Variants in RANBP2 observed in about 807,000 individuals in gnomAD.
RANBP2 encodes the protein RAN binding protein 2.
A neutral mutation model predicts 303.6 loss-of-function variants in RANBP2; 57 were observed. That is an observed-to-expected ratio of 0.19 (90% confidence interval 0.15 to 0.23). The LOEUF is 0.23. Ranked by LOEUF, RANBP2 falls within the 10% of genes least tolerant of loss-of-function variation. The probability of loss-of-function intolerance (pLI) is 1.00; values close to 1 mark genes in which losing one functional copy is unlikely to be tolerated. For synonymous variants in RANBP2, 1,167 were observed against 1,301.5 expected (o/e 0.90, Z 2.23); for missense variants, 3,138 against 3,780.8 (o/e 0.83, Z 4.46).
chr2:109,163,493 G>A, the RANBP2 span, among the ~76,000 whole-genome samples: 1 of 128,944 alleles, frequency 7.8e-6, no homozygotes, highest in Non-Finnish European at 1.6e-5. Flanking sequence ...CCGCCTCCCG[G>A]GTTCACGCCA....
chr2:109,544,223 TAAC>T, the RANBP2 span: 11 of 1,611,054 alleles, frequency 6.8e-6, no homozygotes, highest in Non-Finnish European at 7.6e-6. Flanking sequence ...ATAAAACAAA[TAAC>T]AGCAAAATCA....
At chr2:108,741,846 A>G (rs2149168929) in intron 7 of RANBP2, among the ~76,000 whole-genome samples, 2 of 143,338 alleles carry the variant, frequency 1.4e-5, no homozygotes, top group East Asian at 4.1e-4. Context: ...GAGCTTGCAT[A>G]ACTTTTGAAA....
chr2:109,602,943 T>C, the RANBP2 span, among the ~76,000 whole-genome samples: 3 of 148,146 alleles, frequency 2.0e-5, no homozygotes, highest in Non-Finnish European at 4.5e-5. Context: ...CAGTGGTGTG[T>C]ACCTGTGGAA....
At chr2:109,657,737 T>TTTTTG in the RANBP2 span, among the ~76,000 whole-genome samples, 1 of 144,904 alleles carries the variant, frequency 6.9e-6, no homozygotes, top group Non-Finnish European at 1.5e-5. Context: ...TTTTTTTTTT[T>TTTTTG]GAGATGGAGT....
At chr2:108,737,274 C>T (rs1466568515) in intron 6 of RANBP2, among the ~76,000 whole-genome samples, 6 of 150,258 alleles carry the variant, frequency 4.0e-5, no homozygotes, top group Admixed American at 4.0e-4. Context: ...GTTCCTTTTA[C>T]ATTTTTGTTA....
At chr2:109,094,656 C>T in the RANBP2 span, among the ~76,000 whole-genome samples, 3 of 152,126 alleles carry the variant, frequency 2.0e-5, no homozygotes, top group African/African-American at 7.2e-5. Context: ...ATGACGAAAC[C>T]CTGTCTCTAC....
At chr2:109,711,783 C>T in the RANBP2 span, among the ~76,000 whole-genome samples, 1 of 152,276 alleles carries the variant, frequency 6.6e-6, no homozygotes, top group Middle Eastern at 3.4e-3. Context: ...GAAGCAGCCC[C>T]CTTTGTCTCG....
At chr2:109,595,048 G>A in the RANBP2 span, 1 of 152,070 alleles carries the variant, frequency 6.6e-6, no homozygotes, top group Non-Finnish European at 1.5e-5. Flanking sequence ...CACCACGCCT[G>A]GCTTATGTTT....
At chr2:109,347,870 C>A in the RANBP2 span, 1 of 1,613,334 alleles carries the variant, frequency 6.2e-7, no homozygotes, top group Non-Finnish European at 8.5e-7. Context: ...TTGCCACACG[C>A]CCCGCCCCAG....
At chr2:108,719,950 C>T (rs1296432550) in intron 1 of RANBP2, 3 of 985,272 alleles carry the variant, frequency 3.0e-6, no homozygotes. Flanking sequence ...GCTCCTGGGG[C>T]CGCCCTGGCC....
chr2:109,581,903 T>C, the RANBP2 span, among the ~76,000 whole-genome samples: 1 of 152,280 alleles, frequency 6.6e-6, no homozygotes, highest in Admixed American at 6.5e-5. Flanking sequence ...GCAGACAATA[T>C]AATTTCATAC....
the RANBP2 span, among the ~76,000 whole-genome samples, chr2:109,192,187 C>A: frequency 6.6e-6 from 1 of 152,180 alleles, no homozygotes; most frequent in African/African-American, 2.4e-5. Context: ...ACTAACTCGT[C>A]CACTCCACAG....
the RANBP2 span, among the ~76,000 whole-genome samples, chr2:109,486,007 G>A: frequency 6.6e-6 from 1 of 152,244 alleles, no homozygotes; most frequent in Non-Finnish European, 1.5e-5. Context: ...GAATCAGTGT[G>A]TGCGCTCCAG....
the RANBP2 span, among the ~76,000 whole-genome samples, chr2:109,019,446 G>A: frequency 3.6e-3 from 549 of 152,256 alleles, 8 homozygotes; most frequent in African/African-American, 0.012. Context: ...TGAGTAAAGT[G>A]CCACTGAACA....
At chr2:108,913,875 A>G in the RANBP2 span, among the ~76,000 whole-genome samples, 2 of 148,660 alleles carry the variant, frequency 1.3e-5, no homozygotes, top group South Asian at 2.2e-4. Context: ...GCGTGAACCC[A>G]GGAGGCGGAG....
the RANBP2 span, among the ~76,000 whole-genome samples, chr2:109,203,657 G>T: frequency 1.3e-5 from 2 of 152,102 alleles, no homozygotes; most frequent in Non-Finnish European, 2.9e-5. Context: ...CCATGTGAGT[G>T]TCCTGGCCCT....
the RANBP2 span, among the ~76,000 whole-genome samples, chr2:109,377,735 C>A: frequency 0.35 from 53,696 of 152,056 alleles, 9,621 homozygotes; most frequent in South Asian, 0.42. Flanking sequence ...GATAGCGTGC[C>A]TCATCAGACC....
chr2:108,766,964 G>A lies in RANBP2; in HGVS notation c.6425G>A (p.Cys2142Tyr). Residue 2142 changes from cysteine to tyrosine, a missense_variant, in exon 20 of 29, where the codon TGC (cysteine) becomes TAC (tyrosine). Physicochemically the swap from Cys to Tyr is radical, Grantham distance 194. Transcript: ENST00000283195. ...AEEFKQKFEE[C>Y]QRLLLDIPLQ... ...GAATTCAAGCAGAAATTTGAGGAATGCCAGCGGCTTCTGTTAGACATACCA... is the reference window on the plus strand; with the variant it reads ...GAATTCAAGCAGAAATTTGAGGAATACCAGCGGCTTCTGTTAGACATACCA... 6.2e-7 allele frequency: 1 copy of A among 1,609,234 alleles called. No homozygotes were observed. The highest frequency in any genetic ancestry group is 8.5e-7 in the Non-Finnish European group (1 of 1,179,834).
At chr2:109,597,776 G>T in the RANBP2 span, among the ~76,000 whole-genome samples, 2 of 152,162 alleles carry the variant, frequency 1.3e-5, no homozygotes, top group African/African-American at 4.8e-5. Flanking sequence ...GCCAGACGTG[G>T]GATAGCTGGA....
Sources: allele counts gnomAD v4.1 joint callset (sites outside exome capture counted in the v4.1 genomes callset), GRCh38; gene constraint gnomAD v4.1.1; transcripts MANE v1.5; gene names NCBI Gene and HGNC (gene_info 2026-07-23, HGNC 2026-07-21).